The following GABRB2 variants were observed in gnomAD, a reference collection of about 807,000 sequenced individuals.
GABRB2 encodes gamma-aminobutyric acid type A receptor subunit beta2.
Under a neutral mutation model 54.7 loss-of-function variants are expected in GABRB2, and 16 were observed. The ratio of observed to expected loss-of-function variants is 0.29; its 90% CI spans 0.20 to 0.44. The LOEUF is 0.44. GABRB2 is among the 20% of genes least tolerant of loss of function. The probability of loss-of-function intolerance (pLI) is 1.00; values close to 1 mark genes in which losing one functional copy is unlikely to be tolerated. For synonymous variants in GABRB2, 244 were observed against 233.8 expected (o/e 1.04, Z -0.40); for missense variants, 355 against 644.0 (o/e 0.55, Z 4.86).
At chr5:161,461,116 G>A (rs967656588) in intron 3 of GABRB2, among the ~76,000 whole-genome samples, 2 of 152,166 alleles carry the variant, frequency 1.3e-5, no homozygotes, top group African/African-American at 4.8e-5. Flanking sequence ...ATTTAAAATA[G>A]ATTGTTACAA....
chr5:161,369,547 A>AGG (rs1755072510), intron 5 of GABRB2, among the ~76,000 whole-genome samples: 2 of 151,978 alleles, frequency 1.3e-5, no homozygotes, highest in African/African-American at 4.8e-5. Context: ...AGAGAGAGAG[A>AGG]GAGAGAGAGA....
intron 4 of GABRB2, among the ~76,000 whole-genome samples, chr5:161,428,059 ACT>A (rs770124727): frequency 2.6e-5 from 4 of 151,916 alleles, no homozygotes; most frequent in Non-Finnish European, 5.9e-5. Context: ...AGCATATTAG[ACT>A]CTGTTTTCCT....
chr5:161,377,125 T>C (rs1755329771), intron 5 of GABRB2, among the ~76,000 whole-genome samples: 1 of 152,136 alleles, frequency 6.6e-6, no homozygotes, highest in Non-Finnish European at 1.5e-5. Context: ...TAAGTCATAA[T>C]TGGCAAGCTT....
chr5:161,402,023 A>C (rs1340681246), intron 5 of GABRB2, among the ~76,000 whole-genome samples: 1 of 151,880 alleles, frequency 6.6e-6, no homozygotes, highest in Non-Finnish European at 1.5e-5. Context: ...ATTAATTTAC[A>C]TTTAATTTTA....
At chr5:161,356,243 T>C (rs997254138) in intron 5 of GABRB2, among the ~76,000 whole-genome samples, 14 of 152,310 alleles carry the variant, frequency 9.2e-5, no homozygotes, top group African/African-American at 2.9e-4. Flanking sequence ...TATATTGTAG[T>C]AAGAAACCAC....
intron 4 of GABRB2, among the ~76,000 whole-genome samples, chr5:161,448,752 A>G (rs1757707762): frequency 1.3e-5 from 2 of 152,184 alleles, no homozygotes; most frequent in African/African-American, 2.4e-5. Context: ...GGTCGTTCAG[A>G]AAAGTGTAAC....
intron 3 of GABRB2, among the ~76,000 whole-genome samples, chr5:161,497,557 T>TGTGTGC (rs1759295417): frequency 1.3e-5 from 2 of 151,774 alleles, no homozygotes; most frequent in Non-Finnish European, 2.9e-5. Flanking sequence ...TGTGTGTGTG[T>TGTGTGC]GTTTTATTTA....
At chr5:161,315,373 A>G (rs1285903783) in intron 9 of GABRB2, among the ~76,000 whole-genome samples, 1 of 152,180 alleles carries the variant, frequency 6.6e-6, no homozygotes, top group African/African-American at 2.4e-5. Flanking sequence ...CTGCATTAAT[A>G]AAATACATGG....
chr5:161,495,662 G>T (rs1284390814), intron 3 of GABRB2, among the ~76,000 whole-genome samples: 1 of 152,046 alleles, frequency 6.6e-6, no homozygotes, highest in East Asian at 1.9e-4. Context: ...ATAAATGGAA[G>T]ATTTCTTTGC....
At chr5:161,489,084 C>G (rs563736085) in intron 3 of GABRB2, among the ~76,000 whole-genome samples, 37 of 151,730 alleles carry the variant, frequency 2.4e-4, no homozygotes, top group Non-Finnish European at 5.2e-4. Context: ...CTAATGAAAC[C>G]GCTGCCATTC....
chr5:161,391,331 CT>C (rs1413886335), intron 5 of GABRB2, among the ~76,000 whole-genome samples: 1 of 152,118 alleles, frequency 6.6e-6, no homozygotes, highest in East Asian at 1.9e-4. Context: ...ATGTCCCCCT[CT>C]TTTTTTATGT....
intron 6 of GABRB2, 84 bp from the exon 7 acceptor site, chr5:161,334,988 T>G: frequency 7.6e-7 from 1 of 1,322,508 alleles, no homozygotes; most frequent in Non-Finnish European, 1.1e-6. Context: ...ACAGTACCTC[T>G]TCTCTCAGTT....
At chr5:161,459,343 C>T in intron 4 of GABRB2, 1 of 427,782 alleles carries the variant, frequency 2.3e-6, no homozygotes, top group Non-Finnish European at 4.3e-6. Context: ...CCCTATGTCT[C>T]AGCTATTTTG....
intron 4 of GABRB2, among the ~76,000 whole-genome samples, chr5:161,446,232 C>T (rs1235665838): frequency 6.6e-6 from 1 of 152,076 alleles, no homozygotes; most frequent in East Asian, 1.9e-4. Context: ...CTATCTTCCA[C>T]CTAGAGCAAC....
intron 8 of GABRB2, chr5:161,327,000 AAG>A: frequency 1.0e-6 from 1 of 983,926 alleles, no homozygotes; most frequent in Non-Finnish European, 1.2e-6. Context: ...AGCTACGGGC[AAG>A]AACAGTGGGT....
At chr5:161,397,910 C>T (rs1756053184) in intron 5 of GABRB2, among the ~76,000 whole-genome samples, 1 of 152,072 alleles carries the variant, frequency 6.6e-6, no homozygotes, top group Admixed American at 6.5e-5. Context: ...CTCTTTGTGC[C>T]TCATTTTATT....
At chr5:161,354,891 C>T (rs1754570284) in intron 5 of GABRB2, among the ~76,000 whole-genome samples, 1 of 151,960 alleles carries the variant, frequency 6.6e-6, no homozygotes, top group African/African-American at 2.4e-5. Context: ...TTGTATAATC[C>T]TAATATTACT....
chr5:161,346,206 T>G (rs535459550), intron 5 of GABRB2, among the ~76,000 whole-genome samples: 50 of 152,232 alleles, frequency 3.3e-4, no homozygotes, highest in African/African-American at 1.2e-3. Context: ...CATTCCTAAG[T>G]TGAAGAAAAA....
At chr5:161,463,653 TCA>T (rs1758196163) in intron 3 of GABRB2, among the ~76,000 whole-genome samples, 1 of 128,394 alleles carries the variant, frequency 7.8e-6, no homozygotes, top group African/African-American at 3.0e-5. Context: ...GCTGGAAGAC[TCA>T]CACAATCTGA....
Sources: gnomAD v4.1 joint callset for allele counts (sites outside exome capture counted in the v4.1 genomes callset) on GRCh38, gnomAD v4.1.1 for gene constraint, MANE v1.5 for transcripts, NCBI Gene and HGNC (gene_info 2026-07-23, HGNC 2026-07-21) for gene names.